RUFY1: variants seen among roughly 807,000 people sequenced by gnomAD.
RUFY1 encodes RUN and FYVE domain-containing protein 1.
RUFY1 carries 54 observed loss-of-function variants against 94.6 expected under a neutral mutation model. The observed-to-expected ratio is 0.57, with a 90% confidence interval of 0.46 to 0.72. RUFY1 has a LOEUF of 0.72. RUFY1 is among the 30% of genes least tolerant of loss of function. The pLI is 0.00. For missense variants in RUFY1, 883 were observed against 883.9 expected, an observed-to-expected ratio of 1.00 and a Z score of 0.01; for synonymous variants, 396 against 347.3, an observed-to-expected ratio of 1.14 and a Z score of -1.56.
chr5:179,567,327 C>T, intron 3 of RUFY1, 134 bp from the exon 4 acceptor site: 1 of 683,140 alleles, frequency 1.5e-6, no homozygotes, highest in Non-Finnish European at 2.5e-6. Context: ...TCCCCAACCC[C>T]AAACAGCCAT....
At position 179,580,241 on chromosome 5, in the gene RUFY1, G is replaced by GTGTGTGTGTATA. The variant is rs149099074; in HGVS notation, c.891-705_891-704insGTGTGTGTATAT. ...TGTGTGTGTGTGTGTGTGTGTGTGTGTATATTTTTTTTTTTTTTTGAGACG... is the reference window on the plus strand; with the variant it reads ...TGTGTGTGTGTGTGTGTGTGTGTGTGTGTGTGTGTATATATATTTTTTTTTTTTTTTGAGACG... On this transcript the variant is annotated intron_variant, in intron 6 of 17. Transcript: ENST00000319449. Among the ~76,000 whole-genome samples, 391 of 93,868 alleles carry GTGTGTGTGTATA rather than the reference G, an allele frequency of 4.2e-3. 1 individual carries two copies. The highest frequency in any genetic ancestry group is 0.011 in the Middle Eastern group (2 of 176). 61.6% of individuals were successfully genotyped at this position (93,868 alleles called of 152,430 possible). A position where few individuals can be genotyped will look rare whatever the true frequency, so the allele number is the denominator to read the frequency against.
chr5:179,561,771 C>G (rs561349330), intron 2 of RUFY1, among the ~76,000 whole-genome samples: 32 of 144,674 alleles, frequency 2.2e-4, no homozygotes, highest in African/African-American at 7.6e-4. Context: ...CAAGCTCCTC[C>G]TCCCAGGTTC....
chr5:179,553,348 C>T (rs973375141), intron 1 of RUFY1, among the ~76,000 whole-genome samples: 12 of 152,164 alleles, frequency 7.9e-5, no homozygotes, highest in Admixed American at 2.0e-4. Context: ...TGCTCCAGGC[C>T]GGGAATTTTG....
At chr5:179,566,183 C>A (rs1433672754) in intron 3 of RUFY1, among the ~76,000 whole-genome samples, 2 of 152,096 alleles carry the variant, frequency 1.3e-5, no homozygotes, top group African/African-American at 4.8e-5. Context: ...CACCAAGCAG[C>A]ACTTGAGAGG....
chr5:179,591,852 G>T, intron 10 of RUFY1, 111 bp downstream of exon 10: 1 of 659,262 alleles, frequency 1.5e-6, no homozygotes, highest in Non-Finnish European at 2.5e-6. Context: ...AAAGTCAGAA[G>T]CTGTTCATTA....
At chr5:179,604,260 C>G (rs543595514) in intron 15 of RUFY1, among the ~76,000 whole-genome samples, 3 of 152,288 alleles carry the variant, frequency 2.0e-5, no homozygotes, top group African/African-American at 7.2e-5. Context: ...TTCCCTTCTT[C>G]CTCTTGCAAG....
chr5:179,554,369 T>C (rs1157862644), intron 1 of RUFY1, among the ~76,000 whole-genome samples: 13 of 151,846 alleles, frequency 8.6e-5, no homozygotes, highest in Non-Finnish European at 2.9e-5. Context: ...AAACCCCGTC[T>C]CTACTAAAAA....
chr5:179,588,783 T>A (rs569668497), intron 8 of RUFY1, among the ~76,000 whole-genome samples: 1 of 152,302 alleles, frequency 6.6e-6, no homozygotes, highest in Non-Finnish European at 1.5e-5. Context: ...CAGGCTGGAG[T>A]GCGGTGGCAT....
chr5:179,608,938 CCGGGCG>C (rs1161108793), intron 17 of RUFY1, among the ~76,000 whole-genome samples: 1 of 144,010 alleles, frequency 6.9e-6, no homozygotes, highest in Non-Finnish European at 1.5e-5. Context: ...AAAAAAAAAG[CCGGGCG>C]CGGTGTTTCA....
Position 179,609,741 on chromosome 5 carries a change from G to A in RUFY1, c.*222G>A. 2 of 474,884 alleles carry A rather than the reference G, an allele frequency of 4.2e-6. No individual in the cohort carries two copies. The highest frequency in any genetic ancestry group is 3.7e-6 in the Non-Finnish European group (1 of 269,388). 29.4% of individuals were successfully genotyped at this position (474,884 alleles called of 1,614,324 possible). A position where few individuals can be genotyped will look rare whatever the true frequency, so the allele number is the denominator to read the frequency against. ...TGGATGGAAACTTCCATCTTACTTG[G>A]TTACATCACGGCTCTGGTTCAGATA... On this transcript the variant is annotated 3_prime_UTR_variant, in exon 18 of 18. Coordinates refer to ENST00000319449, the MANE Select transcript of RUFY1 (RefSeq NM_025158.5).
intron 5 of RUFY1, among the ~76,000 whole-genome samples, chr5:179,570,167 T>G (rs562171993): frequency 6.6e-6 from 1 of 152,184 alleles, no homozygotes; most frequent in Admixed American, 6.5e-5. Flanking sequence ...TGTGAGCCAC[T>G]GTGCCTTGCC....
At chr5:179,551,100 CG>C (rs1166598742) in intron 1 of RUFY1, among the ~76,000 whole-genome samples, 1 of 151,290 alleles carries the variant, frequency 6.6e-6, no homozygotes, top group Non-Finnish European at 1.5e-5. Context: ...CTCCCGCACC[CG>C]CGCCTCTATG....
At chr5:179,585,958 C>T (rs184844380) in intron 8 of RUFY1, 93 bp downstream of exon 8, 77 of 1,008,770 alleles carry the variant, frequency 7.6e-5, no homozygotes, top group Non-Finnish European at 1.1e-4. Flanking sequence ...GAGCTTCCTG[C>T]TGGTAGGAAG....
chr5:179,558,859 C>T (rs1762240685), intron 1 of RUFY1, among the ~76,000 whole-genome samples: 1 of 152,040 alleles, frequency 6.6e-6, no homozygotes, highest in Non-Finnish European at 1.5e-5. Context: ...TTTAATTGTC[C>T]ATATTAATCA....
At chr5:179,582,517 G>A (rs773915892) in intron 7 of RUFY1, among the ~76,000 whole-genome samples, 40 of 152,134 alleles carry the variant, frequency 2.6e-4, no homozygotes, top group Admixed American at 2.5e-3. Flanking sequence ...GAGCCACCTC[G>A]CCCAGCCAGG....
At chr5:179,592,447 T>A (rs1012702800) in intron 10 of RUFY1, among the ~76,000 whole-genome samples, 2 of 151,468 alleles carry the variant, frequency 1.3e-5, no homozygotes, top group Non-Finnish European at 2.9e-5. Context: ...AGAAACGGAG[T>A]TTCACCATCT....
At chr5:179,596,875 C>G (rs1440067750) in intron 13 of RUFY1, 194 bp downstream of exon 13, 3 of 662,572 alleles carry the variant, frequency 4.5e-6, no homozygotes, top group Non-Finnish European at 7.1e-6. Context: ...CAGGGCTCCT[C>G]ACGTGGTCCA....
chr5:179,596,115 A>G (rs983730205), intron 12 of RUFY1: 4 of 221,318 alleles, frequency 1.8e-5, no homozygotes, highest in African/African-American at 9.5e-5. Context: ...GTGATGGATA[A>G]ACAAAGTGGT....
chr5:179,571,525 A>C (rs148814965), intron 5 of RUFY1, among the ~76,000 whole-genome samples: 10 of 151,880 alleles, frequency 6.6e-5, no homozygotes, highest in African/African-American at 2.2e-4. Flanking sequence ...AAAAAACACC[A>C]ATATTATAGA....
Sources: allele counts gnomAD v4.1 joint callset (sites outside exome capture counted in the v4.1 genomes callset), GRCh38; gene constraint gnomAD v4.1.1; transcripts MANE v1.5; gene names NCBI Gene and HGNC (gene_info 2026-07-23, HGNC 2026-07-21).